GHR: variants seen among roughly 807,000 people sequenced by gnomAD.
GHR encodes the protein GH receptor.
In GHR, 35 loss-of-function variants were observed where a neutral mutation model predicts 67.1. The observed-to-expected ratio is 0.52, with a 90% confidence interval of 0.40 to 0.69. GHR has a LOEUF of 0.69. Ranked by LOEUF, GHR falls within the 30% of genes least tolerant of loss-of-function variation. The pLI is 0.00. For synonymous variants in GHR, 272 were observed against 269.1 expected, an observed-to-expected ratio of 1.01 and a Z score of -0.10; for missense variants, 792 against 764.6, an observed-to-expected ratio of 1.04 and a Z score of -0.42.
chr5:42,623,257 G>A (rs112484529), intron 2 of GHR, among the ~76,000 whole-genome samples: 1 of 152,138 alleles, frequency 6.6e-6, no homozygotes, highest in African/African-American at 2.4e-5. Flanking sequence ...CTGTTGAGAA[G>A]TTGAGTACAA....
At chr5:42,570,856 A>G (rs1450861799) in intron 2 of GHR, among the ~76,000 whole-genome samples, 1 of 152,216 alleles carries the variant, frequency 6.6e-6, no homozygotes, top group Non-Finnish European at 1.5e-5. Context: ...TAGTAATAGG[A>G]TAAAAGTGAA....
At chr5:42,541,778 G>A (rs1748529514) in intron 1 of GHR, among the ~76,000 whole-genome samples, 1 of 152,180 alleles carries the variant, frequency 6.6e-6, no homozygotes, top group South Asian at 2.1e-4. Flanking sequence ...AGGATTAGTT[G>A]ATGGAGTGTT....
intron 8 of GHR, chr5:42,715,004 A>G: frequency 2.8e-6 from 1 of 356,190 alleles, no homozygotes. Context: ...TTAGTTAACA[A>G]TATTAGGAAG....
intron 3 of GHR, among the ~76,000 whole-genome samples, chr5:42,651,482 G>A (rs1389631746): frequency 2.6e-5 from 4 of 152,156 alleles, no homozygotes; most frequent in Non-Finnish European, 5.9e-5. Context: ...GCATATATGG[G>A]CCAAGAGACA....
intron 2 of GHR, among the ~76,000 whole-genome samples, chr5:42,597,441 G>GT (rs1328546661): frequency 6.6e-6 from 1 of 152,088 alleles, no homozygotes; most frequent in East Asian, 1.9e-4. Context: ...TCAAAAACCA[G>GT]TGCCCATAGG....
At chr5:42,541,508 C>T (rs182012335) in intron 1 of GHR, among the ~76,000 whole-genome samples, 1 of 151,894 alleles carries the variant, frequency 6.6e-6, no homozygotes, top group Admixed American at 6.6e-5. Context: ...ACTTTCAGAC[C>T]ACTGTAAATA....
intron 3 of GHR, among the ~76,000 whole-genome samples, chr5:42,688,107 A>G (rs1757246541): frequency 6.6e-6 from 1 of 152,216 alleles, no homozygotes; most frequent in Admixed American, 6.5e-5. Flanking sequence ...TACTGGCTGA[A>G]TCTTTTAAAA....
At chr5:42,434,605 C>T (rs887549277) in intron 1 of GHR, among the ~76,000 whole-genome samples, 13 of 152,166 alleles carry the variant, frequency 8.5e-5, no homozygotes, top group African/African-American at 3.1e-4. Flanking sequence ...CTTTCAAGAG[C>T]TCTTGTTGCA....
intron 1 of GHR, among the ~76,000 whole-genome samples, chr5:42,551,955 G>T (rs1426598993): frequency 6.6e-6 from 1 of 152,200 alleles, no homozygotes; most frequent in Non-Finnish European, 1.5e-5. Flanking sequence ...GTTTGGTACT[G>T]TTTTACAAGA....
At chr5:42,694,556 T>A (rs1757577480) in intron 4 of GHR, among the ~76,000 whole-genome samples, 1 of 152,166 alleles carries the variant, frequency 6.6e-6, no homozygotes, top group Non-Finnish European at 1.5e-5. Flanking sequence ...TTGGGGGTGA[T>A]TCTCTGTACT....
chr5:42,631,067 T>G (rs1561181985), intron 3 of GHR, among the ~76,000 whole-genome samples: 1 of 151,848 alleles, frequency 6.6e-6, no homozygotes, highest in Non-Finnish European at 1.5e-5. Flanking sequence ...TCACCAGTAT[T>G]CACAGTCTCA....
intron 2 of GHR, among the ~76,000 whole-genome samples, chr5:42,622,608 G>A (rs979213150): frequency 6.6e-6 from 1 of 152,124 alleles, no homozygotes. Flanking sequence ...GCTGTGTGAG[G>A]CCCTTTACAT....
At chr5:42,483,891 C>T (rs1483474920) in intron 1 of GHR, among the ~76,000 whole-genome samples, 3 of 152,226 alleles carry the variant, frequency 2.0e-5, no homozygotes, top group Non-Finnish European at 4.4e-5. Flanking sequence ...ACAGTTGTAA[C>T]ATACTGGGCT....
rs183505138 is a variant in GHR, at chr5:42,490,029, G to A, written c.-12+66074G>A. On this transcript the variant is annotated intron_variant, in intron 1 of 9. Coordinates refer to ENST00000230882, the MANE Select transcript of GHR (RefSeq NM_000163.5). Reference sequence around the variant, plus strand: ...TAAGAGATATCTCACATAAAAAGCTGTAAAAATTGGGCAAGTATTTGCACC... The same window carrying A: ...TAAGAGATATCTCACATAAAAAGCTATAAAAATTGGGCAAGTATTTGCACC... Among the ~76,000 whole-genome samples, 88 of 152,256 alleles carry A rather than the reference G, an allele frequency of 5.8e-4. No homozygotes were observed. In the South Asian group the frequency reaches 7.5e-3, roughly 13 times the overall value.
rs185266708 is a variant in GHR at position 42,491,746 on chromosome 5, G to A, written c.-12+67791G>A. ...TCCCCAGGCCCTCAAGAAGGAAGGCGGAATGGATGAGGAAGTCTGCTGTCC... is the reference window on the plus strand; with the variant it reads ...TCCCCAGGCCCTCAAGAAGGAAGGCAGAATGGATGAGGAAGTCTGCTGTCC... On this transcript the variant is annotated intron_variant, in intron 1 of 9. Transcript: ENST00000230882. Among the ~76,000 whole-genome samples, 9 of 152,276 alleles carry A rather than the reference G, an allele frequency of 5.9e-5. No individual in the cohort carries two copies. In the East Asian group the frequency reaches 9.6e-4, roughly 16 times the overall value.
intron 3 of GHR, among the ~76,000 whole-genome samples, chr5:42,674,471 C>T (rs1756472414): frequency 6.6e-6 from 1 of 152,098 alleles, no homozygotes; most frequent in South Asian, 2.1e-4. Flanking sequence ...TCATTACTTC[C>T]TCATGGAACC....
At chr5:42,634,690 CT>C (rs1754090381) in intron 3 of GHR, among the ~76,000 whole-genome samples, 1 of 152,138 alleles carries the variant, frequency 6.6e-6, no homozygotes, top group South Asian at 2.1e-4. Flanking sequence ...TTGTCTATTG[CT>C]GAGTATAAAT....
chr5:42,508,624 A>G (rs1268826013), intron 1 of GHR, among the ~76,000 whole-genome samples: 1 of 152,210 alleles, frequency 6.6e-6, no homozygotes, highest in Non-Finnish European at 1.5e-5. Context: ...CCCAGGCTGG[A>G]GTGCAGTGGC....
At chr5:42,509,354 C>T (rs1380815431) in intron 1 of GHR, among the ~76,000 whole-genome samples, 5 of 152,214 alleles carry the variant, frequency 3.3e-5, no homozygotes, top group Admixed American at 2.6e-4. Context: ...TCCTGGACAA[C>T]TATGTGACAA....
Sources: allele counts gnomAD v4.1 joint callset (sites outside exome capture counted in the v4.1 genomes callset), GRCh38; gene constraint gnomAD v4.1.1; transcripts MANE v1.5; gene names NCBI Gene and HGNC (gene_info 2026-07-23, HGNC 2026-07-21).